The following LRP1B variants were observed in gnomAD, a reference collection of about 807,000 sequenced individuals.
LRP1B encodes LDL receptor related protein 1B.
In LRP1B, 217 loss-of-function variants were observed where a neutral mutation model predicts 556.6. The observed-to-expected ratio is 0.39, with a 90% CI of 0.35 to 0.44. The LOEUF (loss-of-function observed/expected upper bound fraction) is 0.44. Among genes scored for constraint, LRP1B ranks in the 20% least tolerant of loss-of-function variants. The probability of loss-of-function intolerance (pLI) is 1.00; values close to 1 mark genes in which losing one functional copy is unlikely to be tolerated. For missense variants in LRP1B, 5,053 were observed against 5,620.8 expected (o/e 0.90, Z 3.23); for synonymous variants, 2,047 against 1,865.8 (o/e 1.10, Z -2.50).
chr2:141,294,429 A>C (rs1435853201), intron 3 of LRP1B, among the ~76,000 whole-genome samples: 1 of 152,142 alleles, frequency 6.6e-6, no homozygotes, highest in Non-Finnish European at 1.5e-5. Flanking sequence ...AACTATTATG[A>C]AACCTAAAAC....
intron 86 of LRP1B, among the ~76,000 whole-genome samples, chr2:140,261,057 G>GTATA (rs35806990): frequency 0.032 from 4,821 of 149,520 alleles, 271 homozygotes; most frequent in African/African-American, 0.11. Context: ...ATATGTGTGT[G>GTATA]TATATATATA....
At chr2:140,682,408 A>T (rs1685889365) in intron 41 of LRP1B, among the ~76,000 whole-genome samples, 1 of 152,106 alleles carries the variant, frequency 6.6e-6, no homozygotes, top group Admixed American at 6.6e-5. Context: ...ATATGCATTG[A>T]TTACTTATTA....
Position 140,233,149 on chromosome 2 carries a change from T to G in LRP1B, c.*37A>C. On this transcript the variant is annotated 3_prime_UTR_variant, in exon 91 of 91. Coordinates refer to ENST00000389484, the MANE Select transcript of LRP1B (RefSeq NM_018557.3). ...GAACATACAAAAGTAATCCTTATAT[T>G]TTATACATTTATACAGCATATAAAA... 1 of 1,365,388 alleles carries G rather than the reference T, an allele frequency of 7.3e-7. No individual in the cohort carries two copies. Among genetic ancestry groups the G allele is most frequent in the Non-Finnish European group, 1.0e-6 (1 of 992,668 alleles). 84.6% of individuals were successfully genotyped at this position (1,365,388 alleles called of 1,614,324 possible). A position where few individuals can be genotyped will look rare whatever the true frequency, so the allele number is the denominator to read the frequency against.
chr2:140,886,042 A>T, intron 24 of LRP1B, 96 bp downstream of exon 24: 1 of 760,252 alleles, frequency 1.3e-6, no homozygotes, highest in South Asian at 2.1e-5. Flanking sequence ...ACCAAAGGTC[A>T]AAGAATAATC....
chr2:141,087,533 C>G (rs1700076634), intron 7 of LRP1B, among the ~76,000 whole-genome samples: 1 of 152,172 alleles, frequency 6.6e-6, no homozygotes. Flanking sequence ...TACTAGGAGA[C>G]AGCAATGTAC....
chr2:141,338,214 C>T (rs1687918355), intron 3 of LRP1B, among the ~76,000 whole-genome samples: 1 of 152,148 alleles, frequency 6.6e-6, no homozygotes, highest in African/African-American at 2.4e-5. Context: ...CCTAAGGTCC[C>T]TCAGAGTTTT....
intron 2 of LRP1B, among the ~76,000 whole-genome samples, chr2:141,725,422 A>T (rs1011636864): frequency 6.6e-6 from 1 of 151,928 alleles, no homozygotes; most frequent in South Asian, 2.1e-4. Flanking sequence ...AGGTCATCAG[A>T]GATCAAAATG....
intron 2 of LRP1B, among the ~76,000 whole-genome samples, chr2:141,613,516 C>A (rs1463130944): frequency 6.6e-6 from 1 of 152,124 alleles, no homozygotes; most frequent in East Asian, 1.9e-4. Flanking sequence ...TAATTCTGGA[C>A]TCCACTCTGG....
chr2:141,015,675 A>G (rs1458789165), intron 13 of LRP1B, 21 bp downstream of exon 13: 1 of 1,572,998 alleles, frequency 6.4e-7, no homozygotes, highest in Non-Finnish European at 8.7e-7. Context: ...TGGGTTAAAA[A>G]CAGCAGCATT....
intron 3 of LRP1B, among the ~76,000 whole-genome samples, chr2:141,430,325 T>G (rs1337823167): frequency 1.3e-5 from 2 of 152,152 alleles, no homozygotes; most frequent in Non-Finnish European, 2.9e-5. Context: ...GTTCAATATC[T>G]CTTGTGATAT....
chr2:141,703,037 A>C (rs762447658), intron 2 of LRP1B, among the ~76,000 whole-genome samples: 2 of 151,976 alleles, frequency 1.3e-5, no homozygotes, highest in Admixed American at 1.3e-4. Context: ...TAATCTGATT[A>C]TATATAATAG....
chr2:141,850,003 T>G (rs1006888704), intron 1 of LRP1B, among the ~76,000 whole-genome samples: 2 of 151,684 alleles, frequency 1.3e-5, no homozygotes, highest in Admixed American at 1.3e-4. Context: ...CAAAGTTGAA[T>G]CAGGCAAAAT....
At chr2:142,041,096 G>A (rs1051912569) in intron 1 of LRP1B, among the ~76,000 whole-genome samples, 35 of 151,408 alleles carry the variant, frequency 2.3e-4, no homozygotes, top group African/African-American at 8.0e-4. Flanking sequence ...TAAATATTAT[G>A]GAACCAGTGC....
intron 6 of LRP1B, among the ~76,000 whole-genome samples, chr2:141,215,999 G>C (rs901788729): frequency 1.2e-4 from 18 of 152,236 alleles, no homozygotes; most frequent in African/African-American, 4.3e-4. Context: ...AAGGAGCCAA[G>C]TGTTAATAGC....
chr2:140,727,813 A>G (rs1687647366), intron 35 of LRP1B, among the ~76,000 whole-genome samples: 1 of 152,214 alleles, frequency 6.6e-6, no homozygotes, highest in Admixed American at 6.5e-5. Flanking sequence ...TTGCAGATTA[A>G]TAAAGACCCA....
At chr2:140,976,290 C>T (rs961774153) in intron 18 of LRP1B, among the ~76,000 whole-genome samples, 1 of 151,982 alleles carries the variant, frequency 6.6e-6, no homozygotes, top group Non-Finnish European at 1.5e-5. Context: ...TCCCTACCCC[C>T]TCCTCTACTG....
chr2:140,606,732 GC>G (rs763604061), intron 41 of LRP1B, among the ~76,000 whole-genome samples: 2 of 151,844 alleles, frequency 1.3e-5, no homozygotes, highest in Non-Finnish European at 2.9e-5. Flanking sequence ...CAATTGTATA[GC>G]CACATGTAAA....
At chr2:140,929,677 C>A (rs548442296) in intron 20 of LRP1B, among the ~76,000 whole-genome samples, 1 of 151,462 alleles carries the variant, frequency 6.6e-6, no homozygotes, top group Non-Finnish European at 1.5e-5. Context: ...CAAGAACCTT[C>A]ACATTTATAA....
At chr2:141,367,538 A>AGTGGCAG (rs1423553847) in intron 3 of LRP1B, among the ~76,000 whole-genome samples, 1 of 117,718 alleles carries the variant, frequency 8.5e-6, no homozygotes, top group Non-Finnish European at 1.6e-5. Context: ...GCTGGAGGGC[A>AGTGGCAG]GTGGCAGGAT....
Sources: gnomAD v4.1 joint callset for allele counts (sites outside exome capture counted in the v4.1 genomes callset) on GRCh38, gnomAD v4.1.1 for gene constraint, MANE v1.5 for transcripts, NCBI Gene and HGNC (gene_info 2026-07-23, HGNC 2026-07-21) for gene names.